Variants in PROS1 observed in about 807,000 individuals in gnomAD.
The protein encoded by PROS1 is protein S, also known as vitamin K-dependent protein S.
In PROS1, 29 loss-of-function variants were observed where a neutral mutation model predicts 75.9. The ratio of observed to expected loss-of-function variants is 0.38; its 90% confidence interval spans 0.28 to 0.52. The LOEUF (loss-of-function observed/expected upper bound fraction) is 0.52. Among genes scored for constraint, PROS1 ranks in the 20% least tolerant of loss-of-function variants. PROS1 has a pLI of 0.83. For synonymous variants in PROS1, 245 were observed against 280.6 expected (o/e 0.87, Z 1.27); for missense variants, 680 against 810.3 (o/e 0.84, Z 1.95).
rs191528166 is a variant in PROS1, at chr3:93,938,753, C to T, written c.77-11346G>A. ...GGACCCAAAACTCTGGTGCTGGTCA[C>T]GGACTTGGGAAGACAGCCTTCCCTT... is the stretch of plus-strand genomic sequence containing the variant. On this transcript the variant is annotated intron_variant, in intron 1 of 14. Coordinates refer to ENST00000394236, the MANE Select transcript of PROS1 (RefSeq NM_000313.4). 6.6e-5 allele frequency among the ~76,000 whole-genome samples: 10 copies of T among 152,294 alleles called. No homozygotes were observed. In the East Asian group the frequency reaches 9.7e-4, roughly 15 times the overall value.
chr3:93,892,097 A>C (rs1708438978), intron 10 of PROS1, among the ~76,000 whole-genome samples: 1 of 152,154 alleles, frequency 6.6e-6, no homozygotes, highest in South Asian at 2.1e-4. Flanking sequence ...TGGGAGGCCG[A>C]AGTGGGTGAA....
At chr3:93,960,124 G>A (rs948651095) in intron 1 of PROS1, among the ~76,000 whole-genome samples, 14 of 151,508 alleles carry the variant, frequency 9.2e-5, no homozygotes, top group Non-Finnish European at 1.3e-4. Context: ...AATATTCCAT[G>A]TGCTTCATTG....
chr3:93,899,619 G>C, intron 7 of PROS1, among the ~76,000 whole-genome samples: 1 of 152,210 alleles, frequency 6.6e-6, no homozygotes, highest in South Asian at 2.1e-4. Flanking sequence ...TGCGGGGGCT[G>C]GCAGGGGAAT....
At chr3:93,888,809 C>T (rs1374983605) in intron 10 of PROS1, among the ~76,000 whole-genome samples, 5 of 152,120 alleles carry the variant, frequency 3.3e-5, no homozygotes, top group Admixed American at 6.6e-5. Context: ...TTCCACAAAG[C>T]CATTAGCTTC....
chr3:93,899,761 T>A (rs1708558784), intron 7 of PROS1, among the ~76,000 whole-genome samples: 1 of 152,174 alleles, frequency 6.6e-6, no homozygotes, highest in Non-Finnish European at 1.5e-5. Flanking sequence ...GATTAGAGGT[T>A]ACCGCCATCA....
chr3:93,927,850 CATATAT>C (rs62909461), intron 1 of PROS1, among the ~76,000 whole-genome samples: 4 of 117,794 alleles, frequency 3.4e-5, no homozygotes, highest in Admixed American at 1.8e-4. Flanking sequence ...AAAAAACAAA[CATATAT>C]ATATATATAT....
intron 3 of PROS1, among the ~76,000 whole-genome samples, chr3:93,916,547 TG>T (rs1708851938): frequency 6.6e-6 from 1 of 152,210 alleles, no homozygotes; most frequent in Admixed American, 6.5e-5. Context: ...TCCAAAGCAG[TG>T]TAATACAGAA....
intron 2 of PROS1, among the ~76,000 whole-genome samples, chr3:93,926,797 A>G (rs1709025418): frequency 2.0e-5 from 3 of 152,252 alleles, no homozygotes; most frequent in Non-Finnish European, 4.4e-5. Context: ...TGGTTAGAAG[A>G]AAATATTTGC....
chr3:93,878,584 C>A lies in PROS1; in HGVS notation c.1644+579G>T, dbSNP rs573746711. On this transcript the variant is annotated intron_variant, in intron 13 of 14. Coordinates refer to ENST00000394236, the MANE Select transcript of PROS1 (RefSeq NM_000313.4). ...CTGAATAATACAGATTTTCTGATAA[C>A]CCTCATATTTCCTTTCATCTAAGGC... Among the ~76,000 whole-genome samples, 5 of 152,152 alleles carry A rather than the reference C, an allele frequency of 3.3e-5. No individual in the cohort carries two copies. In the South Asian group the frequency reaches 1.0e-3, roughly 32 times the overall value.
chr3:93,918,273 G>T (rs1277558454), intron 3 of PROS1, among the ~76,000 whole-genome samples: 3 of 152,028 alleles, frequency 2.0e-5, no homozygotes, highest in East Asian at 3.9e-4. Flanking sequence ...ACCAATCAGC[G>T]CCCTGTCAAA....
intron 4 of PROS1, among the ~76,000 whole-genome samples, chr3:93,910,327 A>T (rs1708741806): frequency 6.6e-6 from 1 of 152,218 alleles, no homozygotes; most frequent in Non-Finnish European, 1.5e-5. Context: ...ATTATGCAAC[A>T]ACAGCCAAAA....
At chr3:93,967,524 G>A (rs559728865) in intron 1 of PROS1, among the ~76,000 whole-genome samples, 1 of 152,266 alleles carries the variant, frequency 6.6e-6, no homozygotes, top group South Asian at 2.1e-4. Flanking sequence ...CTCACTGTAA[G>A]ACACAACACT....
intron 1 of PROS1, among the ~76,000 whole-genome samples, chr3:93,953,283 G>A (rs1709536904): frequency 6.6e-6 from 1 of 152,094 alleles, no homozygotes; most frequent in Admixed American, 6.6e-5. Flanking sequence ...CAAAAAAAGA[G>A]AATTGTAGAC....
intron 1 of PROS1, among the ~76,000 whole-genome samples, chr3:93,957,294 G>A (rs975610376): frequency 6.6e-6 from 1 of 152,120 alleles, no homozygotes; most frequent in Admixed American, 6.5e-5. Context: ...ATATATGTGT[G>A]GACAAAAGCT....
At chr3:93,898,399 C>T in intron 8 of PROS1, 49 bp downstream of exon 8, 1 of 1,599,938 alleles carries the variant, frequency 6.3e-7, no homozygotes, top group African/African-American at 1.3e-5. Context: ...TATCTAGGAT[C>T]TCTCATTTTA....
In PROS1 at chr3:93,952,996, C is replaced by A. The variant is rs1201059306; in HGVS notation, c.76+20678G>T. ...AAATCTAGAAGAAATGGATACATTG[C>A]TAGACACATACACCCTCCCAAGACT... On this transcript the variant is annotated intron_variant, in intron 1 of 14. Transcript: ENST00000394236. 2.0e-5 allele frequency among the ~76,000 whole-genome samples: 3 copies of A among 152,232 alleles called. No homozygotes were observed. In the East Asian group the frequency reaches 5.8e-4, roughly 29 times the overall value.
At chr3:93,942,980 G>A (rs1709312289) in intron 1 of PROS1, among the ~76,000 whole-genome samples, 1 of 152,148 alleles carries the variant, frequency 6.6e-6, no homozygotes, top group Non-Finnish European at 1.5e-5. Flanking sequence ...CACTGGATGG[G>A]TAAAGGCCTT....
rs1395378093 is a variant in PROS1, at chr3:93,896,628, G to T, written c.913C>A (p.Gln305Lys). Residue 305 changes from glutamine (Q) to lysine (K), a missense_variant, in exon 9 of 15, where the codon CAG becomes AAG. Gln to Lys is a moderately conservative substitution (Grantham distance 53). Transcript: ENST00000394236. ...TKYELLYLAE[Q>K]FAGVVLYLKF... is the part of the protein sequence containing the mutation. Reference sequence around the variant, plus strand: ...AAATATAAAACAACCCCTGCAAACTGCTCCGCCAAGTAAAGTAATTCATAC... The same window carrying T: ...AAATATAAAACAACCCCTGCAAACTTCTCCGCCAAGTAAAGTAATTCATAC... 1.9e-6 allele frequency: 3 copies of T among 1,613,640 alleles called. No homozygotes were observed. The highest frequency in any genetic ancestry group is 1.7e-6 in the Non-Finnish European group (2 of 1,179,844).
At chr3:93,928,206 T>TTA (rs1156944663) in intron 1 of PROS1, among the ~76,000 whole-genome samples, 6 of 149,734 alleles carry the variant, frequency 4.0e-5, no homozygotes, top group Admixed American at 3.4e-4. Flanking sequence ...TGGTATGCAC[T>TTA]TATAGTCCTT....
Sources: allele counts gnomAD v4.1 joint callset (sites outside exome capture counted in the v4.1 genomes callset), GRCh38; gene constraint gnomAD v4.1.1; transcripts MANE v1.5; gene names NCBI Gene and HGNC (gene_info 2026-07-23, HGNC 2026-07-21).